Variants in GLYR1 observed in about 807,000 individuals in gnomAD.
GLYR1 encodes the protein cytokine-like nuclear factor N-PAC.
A neutral mutation model predicts 72.7 loss-of-function variants in GLYR1; 21 were observed. The ratio of observed to expected loss-of-function variants is 0.29; its 90% confidence interval spans 0.20 to 0.42. GLYR1 has a LOEUF of 0.42. GLYR1 is among the 10% of genes least tolerant of loss of function. The probability of loss-of-function intolerance (pLI) is 1.00; values close to 1 mark genes in which losing one functional copy is unlikely to be tolerated. For missense variants in GLYR1, 594 were observed against 712.1 expected, an observed-to-expected ratio of 0.83 and a Z score of 1.89; for synonymous variants, 392 against 270.2, an observed-to-expected ratio of 1.45 and a Z score of -4.42.
At position 4,846,167 on chromosome 16, in the gene GLYR1, C is replaced by T. The variant is rs368625791; in HGVS notation, c.75+7G>A. On this transcript the variant is annotated splice_region_variant and intron_variant, in intron 2 of 15. Coordinates refer to ENST00000321919, the MANE Select transcript of GLYR1 (RefSeq NM_032569.4). ...CAGATCTCTTCCTTTAGTAGCAAGA[C>T]ACTCACCTTTCCTGGCCAAGGAGGA... 1 of 1,613,914 alleles carries T rather than the reference C, an allele frequency of 6.2e-7. No individual in the cohort carries two copies. Among genetic ancestry groups the T allele is most frequent in the Non-Finnish European group, 8.5e-7 (1 of 1,179,840 alleles).
intron 3 of GLYR1, among the ~76,000 whole-genome samples, chr16:4,841,104 C>T: frequency 6.6e-6 from 1 of 152,108 alleles, no homozygotes; most frequent in East Asian, 1.9e-4. Flanking sequence ...TGCTTTGTAT[C>T]CCACTTGTTT....
At chr16:4,808,991 G>A (rs927910054) in intron 15 of GLYR1, among the ~76,000 whole-genome samples, 13 of 152,034 alleles carry the variant, frequency 8.6e-5, no homozygotes, top group Non-Finnish European at 1.6e-4. Context: ...CACGTGTTAA[G>A]TGCTTAAAAC....
chr16:4,815,249 G>A (rs1235554527), intron 10 of GLYR1, among the ~76,000 whole-genome samples: 2 of 151,844 alleles, frequency 1.3e-5, no homozygotes, highest in Non-Finnish European at 2.9e-5. Flanking sequence ...GGGACTATAG[G>A]TGCATGCCCC....
rs2083067546 is a variant in GLYR1 at position 4,807,621 on chromosome 16, A to G, written c.1588-2311T>C. 1.3e-5 allele frequency among the ~76,000 whole-genome samples: 2 copies of G among 152,206 alleles called. 1 individual carries two copies. Among genetic ancestry groups the G allele is most frequent in the South Asian group, 4.1e-4 (2 of 4,826 alleles). ...AAGCTCATACCATCCAAACGACCTG[A>G]AAGCAGCGAGCTGCATTGAGAAATT... On this transcript the variant is annotated intron_variant, in intron 15 of 15. Transcript: ENST00000321919.
chr16:4,822,342 C>A (rs2084088053), intron 7 of GLYR1, among the ~76,000 whole-genome samples: 1 of 152,034 alleles, frequency 6.6e-6, no homozygotes, highest in South Asian at 2.1e-4. Context: ...CCGCCTTGGC[C>A]TCCCAAAGTG....
chr16:4,841,457 C>CAAAAAAAAAAAAAAAAA (rs1160441336), intron 3 of GLYR1, among the ~76,000 whole-genome samples: 1 of 31,956 alleles, frequency 3.1e-5, no homozygotes, highest in Admixed American at 5.0e-4. Flanking sequence ...CTTGTCTCTA[C>CAAAAAAAAAAAAAAAAA]AAAAAAAAAA....
chr16:4,842,107 G>A (rs778884306), intron 3 of GLYR1, among the ~76,000 whole-genome samples: 1 of 152,122 alleles, frequency 6.6e-6, no homozygotes, highest in Non-Finnish European at 1.5e-5. Context: ...AGCTGGGCAT[G>A]GTGGTGTGCG....
intron 5 of GLYR1, among the ~76,000 whole-genome samples, chr16:4,829,951 G>T (rs1203407089): frequency 6.6e-6 from 1 of 152,030 alleles, no homozygotes; most frequent in Non-Finnish European, 1.5e-5. Flanking sequence ...GGGATTACAG[G>T]TGTGAGCCAC....
intron 3 of GLYR1, among the ~76,000 whole-genome samples, chr16:4,844,651 C>G (rs2085834509): frequency 6.6e-6 from 1 of 152,174 alleles, no homozygotes; most frequent in African/African-American, 2.4e-5. Context: ...GTCCCAGCTA[C>G]TCGGGAGGCT....
chr16:4,815,314 C>T (rs2083568262), intron 10 of GLYR1, among the ~76,000 whole-genome samples: 2 of 151,730 alleles, frequency 1.3e-5, no homozygotes, highest in Admixed American at 1.3e-4. Context: ...GTTGCCCAGG[C>T]TGGATGGGCC....
chr16:4,805,036 T>C lies in GLYR1; in HGVS notation c.*200A>G. 2 of 562,034 alleles carry C rather than the reference T, an allele frequency of 3.6e-6. No homozygotes were observed. The highest frequency in any genetic ancestry group is 6.5e-6 in the Non-Finnish European group (2 of 307,950). The allele number at this position is 562,034 out of a possible 1,614,324, so 34.8% of individuals were successfully genotyped here. ...CAAGAGCTTTCCCACACGCCAATCCTGCTGACACTTGTCCCCTCCCCACCG... is the reference window on the plus strand; with the variant it reads ...CAAGAGCTTTCCCACACGCCAATCCCGCTGACACTTGTCCCCTCCCCACCG... On this transcript the variant is annotated 3_prime_UTR_variant, in exon 16 of 16. Coordinates refer to ENST00000321919, the MANE Select transcript of GLYR1 (RefSeq NM_032569.4).
chr16:4,805,633 G>C (rs1168938761), intron 15 of GLYR1, among the ~76,000 whole-genome samples: 4 of 152,208 alleles, frequency 2.6e-5, no homozygotes, highest in African/African-American at 2.4e-5. Context: ...CTGAAGTCAG[G>C]AGTTCGAGAC....
chr16:4,845,079 T>A lies in GLYR1; in HGVS notation c.150A>T (p.Glu50Asp). ...TCCTGGTGAGTACTACTCACTGATCTTCTGTTCCAAAAAATTTCACAAAGA... is the reference window on the plus strand; with the variant it reads ...TCCTGGTGAGTACTACTCACTGATCATCTGTTCCAAAAAATTTCACAAAGA... ...KCFFVKFFGTEDHAWIKVEQL... is the reference protein window; with the variant it reads ...KCFFVKFFGTDDHAWIKVEQL... The change falls in exon 3 of 16, where the codon GAA (glutamate) becomes GAT (aspartate). Residue 50 changes from glutamate (E) to aspartate (D), a missense_variant. This residue lies in a region of GLYR1 where 62 missense variants were observed against 82.5 expected (regional missense o/e 0.75). Coordinates refer to ENST00000321919, the MANE Select transcript of GLYR1 (RefSeq NM_032569.4). The A allele has an allele frequency of 6.2e-7, 1 of 1,612,274 alleles. No individual in the cohort carries two copies. Among genetic ancestry groups the A allele is most frequent in the Non-Finnish European group, 8.5e-7 (1 of 1,178,342 alleles).
intron 9 of GLYR1, among the ~76,000 whole-genome samples, chr16:4,819,216 T>G (rs2083852927): frequency 6.6e-6 from 1 of 152,212 alleles, no homozygotes; most frequent in Admixed American, 6.5e-5. Flanking sequence ...TCTTGCTATG[T>G]TGGCTAGGCT....
chr16:4,834,962 C>G (rs1030871221), intron 3 of GLYR1, among the ~76,000 whole-genome samples: 4 of 152,042 alleles, frequency 2.6e-5, no homozygotes, highest in Admixed American at 2.6e-4. Flanking sequence ...AGACCCAGCC[C>G]CAAAAGCCAG....
chr16:4,829,037 G>A (rs1490369567), intron 5 of GLYR1, among the ~76,000 whole-genome samples: 4 of 151,920 alleles, frequency 2.6e-5, no homozygotes, highest in Non-Finnish European at 4.4e-5. Flanking sequence ...ATTTTTTGTG[G>A]GTCAATTTAG....
intron 12 of GLYR1, 77 bp from the exon 13 acceptor site, chr16:4,812,325 G>C: frequency 6.8e-7 from 1 of 1,480,828 alleles, no homozygotes; most frequent in Non-Finnish European, 9.0e-7. Context: ...GAGTGTTGCT[G>C]AGTGGCCACG....
intron 12 of GLYR1, among the ~76,000 whole-genome samples, chr16:4,812,669 T>C (rs942736935): frequency 2.7e-5 from 4 of 150,148 alleles, no homozygotes; most frequent in African/African-American, 9.8e-5. Flanking sequence ...ATTTTTTGTA[T>C]TTTTAGTAGA....
chr16:4,821,676 G>C (rs1012884513), intron 7 of GLYR1, 79 bp from the exon 8 acceptor site: 3 of 1,330,498 alleles, frequency 2.3e-6, no homozygotes, highest in Non-Finnish European at 3.2e-6. Flanking sequence ...TCAAAGGTTA[G>C]ACCCAAAGTG....
Sources: gnomAD v4.1 joint callset for allele counts (sites outside exome capture counted in the v4.1 genomes callset) on GRCh38, gnomAD v4.1.1 for gene constraint, gnomAD v4.1.1 regional missense constraint, MANE v1.5 for transcripts, NCBI Gene and HGNC (gene_info 2026-07-23, HGNC 2026-07-21) for gene names.